Variants in DSCAM observed in about 807,000 individuals in gnomAD.
DSCAM encodes DS cell adhesion molecule.
Under a neutral mutation model 217.7 loss-of-function variants are expected in DSCAM, and 47 were observed. The ratio of observed to expected loss-of-function variants is 0.22; its 90% CI spans 0.17 to 0.28. The LOEUF is 0.28. Among genes scored for constraint, DSCAM ranks in the 10% least tolerant of loss-of-function variants. The probability of loss-of-function intolerance (pLI) is 1.00; values close to 1 mark genes in which losing one functional copy is unlikely to be tolerated. For missense variants in DSCAM, 2,080 were observed against 2,618.3 expected (o/e 0.79, Z 4.49); for synonymous variants, 1,056 against 1,015.3 (o/e 1.04, Z -0.76).
chr21:40,084,919 ATTT>A (rs1358796923), intron 23 of DSCAM, among the ~76,000 whole-genome samples: 1 of 151,976 alleles, frequency 6.6e-6, no homozygotes, highest in Non-Finnish European at 1.5e-5. Flanking sequence ...TATTGATTTT[ATTT>A]TTACTTGCTG....
chr21:40,708,331 G>A (rs1176029263), intron 2 of DSCAM, 123 bp downstream of exon 2: 1 of 802,960 alleles, frequency 1.2e-6, no homozygotes, highest in Non-Finnish European at 1.8e-6. Flanking sequence ...AGCAAGGTCA[G>A]AATGAACTGA....
intron 1 of DSCAM, among the ~76,000 whole-genome samples, chr21:40,841,771 G>A (rs1462307936): frequency 1.3e-5 from 2 of 152,324 alleles, no homozygotes; most frequent in South Asian, 2.1e-4. Context: ...GGGTTCCCTC[G>A]CGGCTTTGGA....
At chr21:40,705,947 G>A (rs563238555) in intron 2 of DSCAM, among the ~76,000 whole-genome samples, 2 of 152,140 alleles carry the variant, frequency 1.3e-5, no homozygotes, top group East Asian at 1.9e-4. Flanking sequence ...TTGGGAGGCC[G>A]AGGTGGGCAG....
chr21:40,223,965 A>G (rs1012544550), intron 11 of DSCAM, among the ~76,000 whole-genome samples: 10 of 152,222 alleles, frequency 6.6e-5, no homozygotes, highest in Non-Finnish European at 1.0e-4. Flanking sequence ...TCCCTGGGGA[A>G]TGCACTTGCA....
chr21:40,551,907 C>T (rs373735735), intron 3 of DSCAM, among the ~76,000 whole-genome samples: 31 of 152,220 alleles, frequency 2.0e-4, no homozygotes, highest in African/African-American at 7.5e-4. Flanking sequence ...TTCCTTGGGT[C>T]CCTTTGGCCA....
chr21:40,515,840 T>C (rs1205571964), intron 3 of DSCAM, among the ~76,000 whole-genome samples: 1 of 152,206 alleles, frequency 6.6e-6, no homozygotes, highest in Non-Finnish European at 1.5e-5. Context: ...GTATAATACA[T>C]GAAATCATTC....
At chr21:40,306,347 G>C (rs540894145) in intron 9 of DSCAM, among the ~76,000 whole-genome samples, 9 of 151,040 alleles carry the variant, frequency 6.0e-5, no homozygotes, top group Admixed American at 1.3e-4. Flanking sequence ...TTTGGGCTGA[G>C]ACGATGGGGT....
At chr21:40,227,138 G>GGAAATGTACCACAT (rs2091340334) in intron 11 of DSCAM, among the ~76,000 whole-genome samples, 1 of 152,030 alleles carries the variant, frequency 6.6e-6, no homozygotes, top group South Asian at 2.1e-4. Context: ...TTCTTTAGTA[G>GGAAATGTACCACAT]TTTCTTAGGC....
intron 3 of DSCAM, among the ~76,000 whole-genome samples, chr21:40,598,808 T>C (rs1338018550): frequency 6.6e-6 from 1 of 152,154 alleles, no homozygotes; most frequent in Non-Finnish European, 1.5e-5. Flanking sequence ...TGGCCCAAAC[T>C]GTCTTTTAAA....
chr21:40,651,420 T>C lies in DSCAM; in HGVS notation c.508+41390A>G, dbSNP rs1674331957. On this transcript the variant is annotated intron_variant, in intron 3 of 32. Coordinates refer to ENST00000400454, the MANE Select transcript of DSCAM (RefSeq NM_001389.5). ...TTCTTCCTTAGGCTCCTGCAGGCTT[T>C]GACATACCTTTATGAACTGCTCCAA... Among the ~76,000 whole-genome samples, 4 of 152,224 alleles carry C rather than the reference T, an allele frequency of 2.6e-5. No homozygotes were observed. The South Asian group carries it at 8.3e-4, about 31-fold the overall frequency.
chr21:40,205,602 CAAA>C (rs35725347), intron 11 of DSCAM, among the ~76,000 whole-genome samples: 89 of 83,490 alleles, frequency 1.1e-3, no homozygotes, highest in African/African-American at 3.1e-3. Context: ...GACTCTATCT[CAAA>C]AAAAAAAAAA....
intron 15 of DSCAM, among the ~76,000 whole-genome samples, chr21:40,173,693 C>T (rs1009592399): frequency 3.9e-5 from 6 of 152,166 alleles, no homozygotes; most frequent in African/African-American, 1.4e-4. Context: ...CCATCCTCTC[C>T]CCTCCACCCC....
At chr21:40,501,225 G>A (rs1333712302) in intron 3 of DSCAM, among the ~76,000 whole-genome samples, 1 of 152,076 alleles carries the variant, frequency 6.6e-6, no homozygotes, top group Non-Finnish European at 1.5e-5. Flanking sequence ...TGTTTATCAG[G>A]AATTCAAATT....
At chr21:40,332,785 A>G (rs2074390700) in intron 8 of DSCAM, among the ~76,000 whole-genome samples, 1 of 152,224 alleles carries the variant, frequency 6.6e-6, no homozygotes, top group African/African-American at 2.4e-5. Flanking sequence ...AATAATAAGC[A>G]TATTATTTAT....
intron 32 of DSCAM, among the ~76,000 whole-genome samples, chr21:40,034,002 G>A (rs1402214842): frequency 1.1e-5 from 1 of 90,952 alleles, no homozygotes; most frequent in Admixed American, 1.2e-4. Context: ...AAACAGAAAG[G>A]ACATCCACAC....
intron 32 of DSCAM, among the ~76,000 whole-genome samples, chr21:40,029,997 C>T (rs1163765957): frequency 1.3e-5 from 2 of 152,244 alleles, no homozygotes; most frequent in East Asian, 3.8e-4. Flanking sequence ...TACACGTGTG[C>T]TTGCGCACAC....
chr21:40,731,499 A>T (rs1326459817), intron 1 of DSCAM, among the ~76,000 whole-genome samples: 3 of 151,654 alleles, frequency 2.0e-5, no homozygotes, highest in Admixed American at 2.0e-4. Context: ...CAACAGAAAT[A>T]TTTTTTTTCA....
chr21:40,244,599 G>A (rs539709840), intron 11 of DSCAM, among the ~76,000 whole-genome samples: 1 of 152,288 alleles, frequency 6.6e-6, no homozygotes, highest in Non-Finnish European at 1.5e-5. Flanking sequence ...CTGAAGGGAT[G>A]GGGCGCACGA....
chr21:40,343,794 A>G (rs2074525457), intron 6 of DSCAM, among the ~76,000 whole-genome samples: 2 of 147,478 alleles, frequency 1.4e-5, no homozygotes. Context: ...CATCTATTAT[A>G]TTTACTCTAT....
Sources: gnomAD v4.1 joint callset for allele counts (sites outside exome capture counted in the v4.1 genomes callset) on GRCh38, gnomAD v4.1.1 for gene constraint, MANE v1.5 for transcripts, NCBI Gene and HGNC (gene_info 2026-07-23, HGNC 2026-07-21) for gene names.